Variants in ALK observed in about 807,000 individuals in gnomAD.
ALK encodes ALK receptor tyrosine kinase.
Under a neutral mutation model 163.1 loss-of-function variants are expected in ALK, and 74 were observed. The observed-to-expected ratio is 0.45, with a 90% CI of 0.38 to 0.55. The LOEUF (loss-of-function observed/expected upper bound fraction) is 0.55, where lower values mean the gene tolerates loss of function less well. Among genes scored for constraint, ALK ranks in the 20% least tolerant of loss-of-function variants. ALK has a pLI of 0.00. For missense variants in ALK, 2,063 were observed against 2,105.3 expected, an observed-to-expected ratio of 0.98 and a Z score of 0.39; for synonymous variants, 960 against 843.2, an observed-to-expected ratio of 1.14 and a Z score of -2.40.
chr2:29,682,172 G>C (rs1222349492), intron 3 of ALK, among the ~76,000 whole-genome samples: 1 of 152,154 alleles, frequency 6.6e-6, no homozygotes, highest in South Asian at 2.1e-4. Context: ...CAAAGAGATT[G>C]AGGAGGGAAG....
At chr2:29,202,506 C>G (rs1472074303) in intron 26 of ALK, among the ~76,000 whole-genome samples, 1 of 152,228 alleles carries the variant, frequency 6.6e-6, no homozygotes, top group Non-Finnish European at 1.5e-5. Context: ...AAGACCCCAC[C>G]TCCCTCTCTC....
chr2:29,498,032 A>T (rs1037245708), intron 4 of ALK, among the ~76,000 whole-genome samples: 2 of 152,202 alleles, frequency 1.3e-5, no homozygotes, highest in Non-Finnish European at 2.9e-5. Flanking sequence ...CTTCATTAGG[A>T]TTCATTTCTT....
At chr2:29,461,420 C>G (rs1421333305) in intron 4 of ALK, among the ~76,000 whole-genome samples, 4 of 152,184 alleles carry the variant, frequency 2.6e-5, no homozygotes, top group Admixed American at 2.6e-4. Flanking sequence ...GGCTTCAAAA[C>G]TTAAAAGGAC....
intron 19 of ALK, 145 bp downstream of exon 19, chr2:29,225,316 G>T (rs1247045281): frequency 1.8e-5 from 14 of 759,862 alleles, no homozygotes; most frequent in African/African-American, 3.4e-5. Context: ...TTTTGGCTTG[G>T]CCTGGGCTGC....
intron 4 of ALK, among the ~76,000 whole-genome samples, chr2:29,437,743 C>A (rs1399429936): frequency 6.6e-6 from 1 of 152,204 alleles, no homozygotes; most frequent in Admixed American, 6.5e-5. Context: ...ATAATAGGTT[C>A]TTTCTAACAC....
chr2:29,689,696 C>G (rs1243998446), intron 3 of ALK, among the ~76,000 whole-genome samples: 1 of 152,156 alleles, frequency 6.6e-6, no homozygotes, highest in Non-Finnish European at 1.5e-5. Context: ...CCCTGTGTAC[C>G]TGTGAAGATG....
intron 1 of ALK, among the ~76,000 whole-genome samples, chr2:29,912,820 T>C (rs1667742025): frequency 6.6e-6 from 1 of 152,126 alleles, no homozygotes; most frequent in South Asian, 2.1e-4. Flanking sequence ...AATCTAGTGT[T>C]CTCCTCACCA....
At chr2:29,910,904 C>A (rs1157093136) in intron 1 of ALK, among the ~76,000 whole-genome samples, 1 of 151,980 alleles carries the variant, frequency 6.6e-6, no homozygotes, top group Non-Finnish European at 1.5e-5. Context: ...CAAGTGCAGC[C>A]AAGATGAAAT....
At chr2:29,262,872 G>C (rs1032465281) in intron 11 of ALK, among the ~76,000 whole-genome samples, 2 of 152,232 alleles carry the variant, frequency 1.3e-5, no homozygotes, top group African/African-American at 4.8e-5. Context: ...TGTGTTCGCA[G>C]CCACCCCCTG....
At position 29,420,788 on chromosome 2, in the gene ALK, CTTGCT is replaced by C. The variant is rs753871351; in HGVS notation, c.1155-36934_1155-36930del. On this transcript the variant is annotated intron_variant, in intron 4 of 28. Coordinates refer to ENST00000389048, the MANE Select transcript of ALK (RefSeq NM_004304.5). ...AGTCCCAGCACCCTTCATGGAATGT[CTTGCT>C]TTGCAAAAAGAAACAGATAATAACC... is the stretch of plus-strand genomic sequence containing the variant. 7.2e-4 allele frequency among the ~76,000 whole-genome samples: 109 copies of C among 151,666 alleles called. 1 individual carries two copies. The highest frequency in any genetic ancestry group is 1.3e-3 in the Non-Finnish European group (91 of 68,028).
At chr2:29,665,081 G>A (rs886352320) in intron 3 of ALK, among the ~76,000 whole-genome samples, 1 of 147,704 alleles carries the variant, frequency 6.8e-6, no homozygotes, top group Admixed American at 6.9e-5. Flanking sequence ...GCTCACTGCA[G>A]CCTTGACCTC....
intron 1 of ALK, among the ~76,000 whole-genome samples, chr2:29,802,265 A>G (rs1392409610): frequency 6.8e-6 from 1 of 147,304 alleles, no homozygotes; most frequent in Admixed American, 6.8e-5. Flanking sequence ...GGTCTTGCTT[A>G]TCAAGAGAAA....
At chr2:29,792,386 T>C (rs745380228) in intron 1 of ALK, among the ~76,000 whole-genome samples, 6 of 152,116 alleles carry the variant, frequency 3.9e-5, no homozygotes, top group African/African-American at 4.8e-5. Flanking sequence ...TAGCACTAGA[T>C]AATAATTACT....
At chr2:29,461,430 CA>C (rs1349467732) in intron 4 of ALK, among the ~76,000 whole-genome samples, 1 of 152,150 alleles carries the variant, frequency 6.6e-6, no homozygotes, top group East Asian at 1.9e-4. Flanking sequence ...CTTAAAAGGA[CA>C]GTCTGACTCT....
intron 4 of ALK, among the ~76,000 whole-genome samples, chr2:29,523,465 CAT>C (rs1028852767): frequency 6.6e-6 from 1 of 152,148 alleles, no homozygotes; most frequent in Non-Finnish European, 1.5e-5. Context: ...GAGCATGACT[CAT>C]AGACATTTGT....
At chr2:29,276,004 T>C (rs1489758059) in intron 9 of ALK, among the ~76,000 whole-genome samples, 3 of 152,116 alleles carry the variant, frequency 2.0e-5, no homozygotes, top group African/African-American at 7.2e-5. Flanking sequence ...TTAAAATGCT[T>C]CTGTACCAGC....
chr2:29,601,883 T>A (rs1675388530), intron 3 of ALK, among the ~76,000 whole-genome samples: 1 of 151,508 alleles, frequency 6.6e-6, no homozygotes, highest in Non-Finnish European at 1.5e-5. Flanking sequence ...AGATAGAAAC[T>A]CTGAGAGAAG....
At chr2:29,800,325 A>T (rs561625101) in intron 1 of ALK, among the ~76,000 whole-genome samples, 1 of 152,356 alleles carries the variant, frequency 6.6e-6, no homozygotes, top group South Asian at 2.1e-4. Context: ...ATCTGAGCAC[A>T]GAAACAAATC....
chr2:29,583,274 A>G (rs1428877317), intron 3 of ALK, among the ~76,000 whole-genome samples: 1 of 152,144 alleles, frequency 6.6e-6, no homozygotes, highest in Non-Finnish European at 1.5e-5. Context: ...TAAACATTGC[A>G]TCATGCTTTA....
Sources: gnomAD v4.1 joint callset for allele counts (sites outside exome capture counted in the v4.1 genomes callset) on GRCh38, gnomAD v4.1.1 for gene constraint, MANE v1.5 for transcripts, NCBI Gene and HGNC (gene_info 2026-07-23, HGNC 2026-07-21) for gene names.